Variants in XYLT1 observed in about 807,000 individuals in gnomAD.
XYLT1 encodes the protein beta-D-xylosyltransferase 1.
XYLT1 carries 36 observed loss-of-function variants against 91.3 expected under a neutral mutation model. The observed-to-expected ratio is 0.39, with a 90% confidence interval of 0.30 to 0.52. XYLT1 has a LOEUF of 0.52. XYLT1 is among the 20% of genes least tolerant of loss of function. The pLI is 0.68. For synonymous variants in XYLT1, 588 were observed against 532.0 expected, an observed-to-expected ratio of 1.11 and a Z score of -1.45; for missense variants, 1,242 against 1,284.5, an observed-to-expected ratio of 0.97 and a Z score of 0.51.
At chr16:17,335,908 C>T (rs1567380094) in intron 2 of XYLT1, among the ~76,000 whole-genome samples, 1 of 152,124 alleles carries the variant, frequency 6.6e-6, no homozygotes, top group African/African-American at 2.4e-5. Context: ...GAAAAATAAA[C>T]AGAGAGCTAT....
chr16:17,199,131 C>T (rs1311592464), intron 4 of XYLT1, among the ~76,000 whole-genome samples: 5 of 152,128 alleles, frequency 3.3e-5, no homozygotes, highest in African/African-American at 4.8e-5. Flanking sequence ...ATGTATATTT[C>T]GGAGGCAGAA....
intron 1 of XYLT1, among the ~76,000 whole-genome samples, chr16:17,379,728 A>C (rs914425405): frequency 8.0e-4 from 101 of 125,884 alleles, no homozygotes; most frequent in African/African-American, 1.5e-3. Context: ...AATGAAGGAT[A>C]TCTCTCTCTC....
intron 1 of XYLT1, among the ~76,000 whole-genome samples, chr16:17,416,036 T>C (rs528072967): frequency 1.3e-5 from 2 of 152,150 alleles, no homozygotes; most frequent in Non-Finnish European, 2.9e-5. Context: ...AAGCAGGCAA[T>C]GAGAGGAGAG....
chr16:17,128,569 G>C (rs2030345770), intron 9 of XYLT1, among the ~76,000 whole-genome samples: 1 of 152,196 alleles, frequency 6.6e-6, no homozygotes, highest in Non-Finnish European at 1.5e-5. Flanking sequence ...TGTTTCAGAA[G>C]TACTGATTTA....
chr16:17,243,932 C>T (rs2033391923), intron 3 of XYLT1, among the ~76,000 whole-genome samples: 1 of 152,074 alleles, frequency 6.6e-6, no homozygotes, highest in African/African-American at 2.4e-5. Flanking sequence ...GGCCACGGCA[C>T]CATGGACATT....
At chr16:17,208,741 G>C (rs985368146) in intron 3 of XYLT1, among the ~76,000 whole-genome samples, 2 of 151,818 alleles carry the variant, frequency 1.3e-5, no homozygotes, top group Non-Finnish European at 2.9e-5. Context: ...GCCTTTTTTG[G>C]TTCGAGATGG....
In XYLT1 at chr16:17,259,153, T is replaced by C. The variant is rs753848973; in HGVS notation, c.748A>G (p.Lys250Glu). 9 of 1,597,454 alleles carry C rather than the reference T, an allele frequency of 5.6e-6. No homozygotes were observed. The South Asian group carries it at 8.9e-5, about 16-fold the overall frequency. The change falls in exon 3 of 12, where the codon AAG becomes GAG. Residue 250 changes from lysine (K) to glutamate (E), a missense_variant. By Grantham distance (56) the Lys-to-Glu change is moderately conservative (BLOSUM62 1). Around this residue, in one of 3 missense-constraint regions of XYLT1, gnomAD observed 437 missense variants for 411.5 expected, o/e 1.06. Transcript: ENST00000261381. The stretch of plus-strand genomic sequence containing the variant: ...TCACACTTAGGGGGCTGGTCATACT[T>C]GGTCTCGGGGGAGCTGCCCCCAGTT... Reference protein sequence around the residue: ...RKTGGSSPETKYDQPPKCDIS... With the variant: ...RKTGGSSPETEYDQPPKCDIS...
At chr16:17,182,518 A>G (rs1223767695) in intron 5 of XYLT1, among the ~76,000 whole-genome samples, 2 of 152,156 alleles carry the variant, frequency 1.3e-5, no homozygotes, top group Non-Finnish European at 2.9e-5. Flanking sequence ...GAGCTTCGAC[A>G]TATAAATTTT....
At chr16:17,389,697 A>T (rs1406582262) in intron 1 of XYLT1, among the ~76,000 whole-genome samples, 1 of 152,218 alleles carries the variant, frequency 6.6e-6, no homozygotes, top group African/African-American at 2.4e-5. Flanking sequence ...AAGTTCAAAG[A>T]AAAATAAAGT....
chr16:17,345,461 G>A (rs562734924), intron 2 of XYLT1, among the ~76,000 whole-genome samples: 4 of 152,320 alleles, frequency 2.6e-5, no homozygotes, highest in South Asian at 2.1e-4. Flanking sequence ...ATGGAGGCAC[G>A]GAGGCTGGAG....
intron 1 of XYLT1, among the ~76,000 whole-genome samples, chr16:17,431,792 G>T (rs531074600): frequency 1.3e-5 from 2 of 152,220 alleles, no homozygotes; most frequent in Admixed American, 6.5e-5. Context: ...GCGTGACACA[G>T]AGCATTTTTT....
intron 5 of XYLT1, among the ~76,000 whole-genome samples, chr16:17,185,726 T>C (rs2032169010): frequency 6.6e-6 from 1 of 152,128 alleles, no homozygotes; most frequent in Non-Finnish European, 1.5e-5. Flanking sequence ...CTTGGCTGGG[T>C]GCAGTGGCTC....
At chr16:17,351,749 T>TCGG (rs527385833) in intron 2 of XYLT1, among the ~76,000 whole-genome samples, 3 of 134,840 alleles carry the variant, frequency 2.2e-5, no homozygotes, top group Admixed American at 7.1e-5. Context: ...GCTTTTTTTT[T>TCGG]GGGGGGGGGT....
Position 17,470,740 on chromosome 16 carries a change from G to A in XYLT1, c.57C>T (p.Leu19=), listed in dbSNP as rs539729561. The A allele has an allele frequency of 1.6e-4, 178 of 1,124,994 alleles. No individual in the cohort carries two copies. The African/African-American group carries it at 2.8e-3, about 18-fold the overall frequency. The allele number at this position is 1,124,994 out of a possible 1,614,324, so 69.7% of individuals were successfully genotyped here. A position where few individuals can be genotyped will look rare whatever the true frequency, so the allele number is the denominator to read the frequency against. Residue 19 remains leucine, a synonymous_variant, in exon 1 of 12, where the codon CTC becomes CTT. Transcript: ENST00000261381. The part of the protein sequence containing the change: ...RLARRSHSAL[L]AALTVLLLQT... ...GCAGCAGCAGCACCGTGAGCGCCGC[G>A]AGCAGCGCCGAGTGCGAGCGCCGGG...
intron 9 of XYLT1, among the ~76,000 whole-genome samples, chr16:17,131,681 G>GTGTT (rs1334490611): frequency 6.6e-6 from 1 of 152,000 alleles, no homozygotes; most frequent in Non-Finnish European, 1.5e-5. Context: ...CAATGCATAT[G>GTGTT]TGTTAGTTTA....
rs1053661774 is a variant in XYLT1 at position 17,104,758 on chromosome 16, A to G, written c.*3937T>C. On this transcript the variant is annotated 3_prime_UTR_variant, in exon 12 of 12. Coordinates refer to ENST00000261381, the MANE Select transcript of XYLT1 (RefSeq NM_022166.4). The stretch of plus-strand genomic sequence containing the variant: ...GAAGATTCCACTACACTGTGCTTAC[A>G]TTTTTACAAACAATGACAGGTTGGG... 6.6e-6 allele frequency: 1 copy of G among 152,092 alleles called. No individual in the cohort carries two copies. The highest frequency in any genetic ancestry group is 1.5e-5 in the Non-Finnish European group (1 of 68,014). The allele number at this position is 152,092 out of a possible 1,614,324, so 9.4% of individuals were successfully genotyped here.
intron 6 of XYLT1, among the ~76,000 whole-genome samples, chr16:17,148,067 G>A (rs547569848): frequency 2.4e-4 from 37 of 152,336 alleles, no homozygotes; most frequent in African/African-American, 8.9e-4. Context: ...GCATTCACAG[G>A]CTATGAGATG....
In XYLT1 at chr16:17,259,147, C is replaced by T. The variant is rs759689357; in HGVS notation, c.754G>A (p.Asp252Asn). Residue 252 changes from aspartate to asparagine, a missense_variant, in exon 3 of 12, where the codon GAC (aspartate) becomes AAC (asparagine). By Grantham distance (23) the Asp-to-Asn change is conservative (BLOSUM62 1). Coordinates refer to ENST00000261381, the MANE Select transcript of XYLT1 (RefSeq NM_022166.4). ...TGGSSPETKY[D>N]QPPKCDISGK... ...GAGATGTCACACTTAGGGGGCTGGT[C>T]ATACTTGGTCTCGGGGGAGCTGCCC... 1.7e-5 allele frequency: 27 copies of T among 1,595,524 alleles called. No homozygotes were observed. Among genetic ancestry groups the T allele is most frequent in the Non-Finnish European group, 2.1e-5 (24 of 1,170,702 alleles).
At chr16:17,232,429 G>GTGTGTGTATA (rs1194509016) in intron 3 of XYLT1, among the ~76,000 whole-genome samples, 3 of 121,734 alleles carry the variant, frequency 2.5e-5, no homozygotes, top group African/African-American at 9.2e-5. Context: ...GTGTGTGTGT[G>GTGTGTGTATA]TATATATATA....
Sources: gnomAD v4.1 joint callset for allele counts (sites outside exome capture counted in the v4.1 genomes callset) on GRCh38, gnomAD v4.1.1 for gene constraint, gnomAD v4.1.1 regional missense constraint, MANE v1.5 for transcripts, NCBI Gene and HGNC (gene_info 2026-07-23, HGNC 2026-07-21) for gene names.